The following C10orf90 variants were observed in gnomAD, a reference collection of about 807,000 sequenced individuals.
The protein encoded by C10orf90 is (E2-independent) E3 ubiquitin-conjugating enzyme FATS.
In C10orf90, 56 loss-of-function variants were observed where a neutral mutation model predicts 62.5. The observed-to-expected ratio is 0.90, with a 90% CI of 0.72 to 1.12. The LOEUF is 1.12. C10orf90 is among the 50% of genes most tolerant of loss of function. C10orf90 has a pLI of 0.00. For missense variants in C10orf90, 970 were observed against 880.4 expected (o/e 1.10, Z -1.29); for synonymous variants, 386 against 340.4 (o/e 1.13, Z -1.47).
At chr10:126,584,240 A>T (rs113416925) in intron 2 of C10orf90, among the ~76,000 whole-genome samples, 13 of 152,032 alleles carry the variant, frequency 8.6e-5, no homozygotes, top group African/African-American at 3.1e-4. Context: ...TCACCAGTCT[A>T]CCTTTCCATC....
At chr10:126,492,250 G>A (rs541945269) in intron 4 of C10orf90, among the ~76,000 whole-genome samples, 7 of 152,294 alleles carry the variant, frequency 4.6e-5, no homozygotes, top group Non-Finnish European at 8.8e-5. Context: ...GTGCTAGGGG[G>A]AGAAGGGGAG....
At chr10:126,554,966 G>A (rs528761588) in intron 2 of C10orf90, among the ~76,000 whole-genome samples, 21 of 152,272 alleles carry the variant, frequency 1.4e-4, no homozygotes, top group South Asian at 8.3e-4. Flanking sequence ...CACGACACTC[G>A]CCTTCCTCAG....
chr10:126,598,221 G>GCT (rs1845124413), intron 2 of C10orf90, among the ~76,000 whole-genome samples: 2 of 152,178 alleles, frequency 1.3e-5, no homozygotes. Flanking sequence ...CCCATACACA[G>GCT]GATGCTGCGC....
intron 2 of C10orf90, among the ~76,000 whole-genome samples, chr10:126,580,695 CCTT>C (rs1182689572): frequency 1.3e-5 from 2 of 151,616 alleles, no homozygotes; most frequent in Non-Finnish European, 2.9e-5. Flanking sequence ...CTTATCCTCT[CCTT>C]CTCCACAGCA....
intron 4 of C10orf90, among the ~76,000 whole-genome samples, chr10:126,494,296 A>G (rs1000810084): frequency 1.3e-5 from 2 of 152,180 alleles, no homozygotes; most frequent in Admixed American, 1.3e-4. Flanking sequence ...TTATGTATTT[A>G]TAAATGGGAA....
intron 2 of C10orf90, among the ~76,000 whole-genome samples, chr10:126,565,895 T>C (rs1397349433): frequency 1.3e-5 from 2 of 152,176 alleles, no homozygotes; most frequent in African/African-American, 4.8e-5. Context: ...TAACAGCATG[T>C]TACTGGCCAC....
intron 2 of C10orf90, among the ~76,000 whole-genome samples, chr10:126,604,886 G>A (rs1845274428): frequency 1.3e-5 from 2 of 152,146 alleles, no homozygotes; most frequent in Admixed American, 1.3e-4. Flanking sequence ...TTCCATTAAT[G>A]GATCTTGGGA....
intron 1 of C10orf90, among the ~76,000 whole-genome samples, chr10:126,664,785 C>T (rs1174494642): frequency 6.6e-6 from 1 of 152,180 alleles, no homozygotes; most frequent in African/African-American, 2.4e-5. Context: ...CCTCACTCAC[C>T]AGATTTCAGA....
intron 4 of C10orf90, among the ~76,000 whole-genome samples, chr10:126,499,558 TTGAGTGGCGTAAG>T (rs376692505): frequency 1.3e-5 from 2 of 152,286 alleles, no homozygotes; most frequent in African/African-American, 4.8e-5. Flanking sequence ...TTATCTGCCC[TTGAGTGGCGTAAG>T]TGAGATAAGC....
intron 2 of C10orf90, among the ~76,000 whole-genome samples, chr10:126,605,151 G>T (rs1845279912): frequency 2.6e-5 from 4 of 152,192 alleles, no homozygotes; most frequent in African/African-American, 9.7e-5. Context: ...TCTGAAAAAT[G>T]GCTTCATATT....
At chr10:126,555,166 G>A (rs901330757) in intron 2 of C10orf90, among the ~76,000 whole-genome samples, 3 of 152,116 alleles carry the variant, frequency 2.0e-5, no homozygotes, top group Non-Finnish European at 4.4e-5. Flanking sequence ...GGGCCCACCT[G>A]ACTCATCAGC....
At chr10:126,645,549 C>T (rs1846153269) in intron 2 of C10orf90, among the ~76,000 whole-genome samples, 1 of 149,920 alleles carries the variant, frequency 6.7e-6, no homozygotes, top group Non-Finnish European at 1.5e-5. Flanking sequence ...ATGATAGCAC[C>T]ACTGCACTCC....
At chr10:126,483,935 C>T (rs796794749) in intron 4 of C10orf90, among the ~76,000 whole-genome samples, 2 of 152,160 alleles carry the variant, frequency 1.3e-5, no homozygotes, top group African/African-American at 2.4e-5. Flanking sequence ...ATGCACTTAC[C>T]CATCCCACTC....
intron 4 of C10orf90, among the ~76,000 whole-genome samples, chr10:126,474,746 T>C (rs1860762931): frequency 6.6e-6 from 1 of 152,232 alleles, no homozygotes; most frequent in Admixed American, 6.5e-5. Flanking sequence ...CAATGTGGCT[T>C]GTAAAACAAG....
rs78747831 is a variant in C10orf90, at chr10:126,596,956, A to G, written c.313+49609T>C. Among the ~76,000 whole-genome samples the G allele has an allele frequency of 9.8e-3, 1,500 of 152,334 alleles. 30 individuals carry two copies. Among genetic ancestry groups the G allele is most frequent in the East Asian group, 0.085 (438 of 5,180 alleles). Reference sequence around the variant, plus strand: ...AAATAGGCACACAAAGAGATGTTCAACATCTTTAGTCATCAAGGAAATGCA... The same window carrying G: ...AAATAGGCACACAAAGAGATGTTCAGCATCTTTAGTCATCAAGGAAATGCA... On this transcript the variant is annotated intron_variant, in intron 2 of 9. Coordinates refer to ENST00000488181, the MANE Select transcript of C10orf90 (RefSeq NM_001350921.2).
chr10:126,490,016 T>TATATAA (rs1861650895), intron 4 of C10orf90, among the ~76,000 whole-genome samples: 1 of 51,150 alleles, frequency 2.0e-5, no homozygotes, highest in Non-Finnish European at 3.3e-5. Context: ...ATATATATTA[T>TATATAA]ATATAATATA....
chr10:126,437,597 C>A (rs1408798965), intron 7 of C10orf90, among the ~76,000 whole-genome samples: 1 of 152,154 alleles, frequency 6.6e-6, no homozygotes, highest in Non-Finnish European at 1.5e-5. Flanking sequence ...GTTAAATTTG[C>A]CTTTCAGATC....
At chr10:126,502,060 GCA>G (rs200825350) in intron 4 of C10orf90, among the ~76,000 whole-genome samples, 4,095 of 100,730 alleles carry the variant, frequency 0.041, 80 homozygotes, top group Middle Eastern at 0.094. Flanking sequence ...CCACACACAC[GCA>G]CACACACACC....
chr10:126,461,189 C>T (rs1859951036), intron 6 of C10orf90, among the ~76,000 whole-genome samples: 1 of 152,194 alleles, frequency 6.6e-6, no homozygotes, highest in African/African-American at 2.4e-5. Flanking sequence ...GATCTTCATT[C>T]TAACCTGGAG....
Sources: allele counts gnomAD v4.1 joint callset (sites outside exome capture counted in the v4.1 genomes callset), GRCh38; gene constraint gnomAD v4.1.1; transcripts MANE v1.5; gene names NCBI Gene and HGNC (gene_info 2026-07-23, HGNC 2026-07-21).